The following DAP variants were observed in gnomAD, a reference collection of about 807,000 sequenced individuals.
The protein encoded by DAP is death-associated protein 1.
A neutral mutation model predicts 13.8 loss-of-function variants in DAP; 8 were observed. The ratio of observed to expected loss-of-function variants is 0.58; its 90% CI spans 0.34 to 1.05. The LOEUF (loss-of-function observed/expected upper bound fraction) is 1.05. Ranked by LOEUF, DAP falls within the 50% of genes least tolerant of loss-of-function variation. The pLI is 0.03. For missense variants in DAP, 106 were observed against 133.2 expected, an observed-to-expected ratio of 0.80 and a Z score of 1.01; for synonymous variants, 47 against 47.5, an observed-to-expected ratio of 0.99 and a Z score of 0.04.
intron 2 of DAP, among the ~76,000 whole-genome samples, chr5:10,719,765 C>T (rs970151066): frequency 2.6e-5 from 4 of 152,152 alleles, no homozygotes; most frequent in African/African-American, 9.7e-5. Context: ...GGTCTCCACT[C>T]CTGCCACCCT....
At position 10,691,632 on chromosome 5, in the gene DAP, G is replaced by A. The variant is rs3756403; in HGVS notation, c.153-8061C>T. Among the ~76,000 whole-genome samples the A allele has an allele frequency of 4.5e-4, 69 of 152,330 alleles. No individual in the cohort carries two copies. The East Asian group carries it at 0.011, about 25-fold the overall frequency. ...TCATTCTGACAGATGCTGTTTTGAA[G>A]ATGCAACATTATTTTCTCTCAGGAA... On this transcript the variant is annotated intron_variant, in intron 2 of 3. Transcript: ENST00000230895.
intron 1 of DAP, among the ~76,000 whole-genome samples, chr5:10,755,960 C>T (rs1431297585): frequency 5.3e-5 from 8 of 152,136 alleles, no homozygotes; most frequent in Non-Finnish European, 4.4e-5. Context: ...CCTGACTGGA[C>T]AACATAGTAA....
chr5:10,727,723 A>C (rs182223585), intron 2 of DAP, among the ~76,000 whole-genome samples: 4 of 152,286 alleles, frequency 2.6e-5, no homozygotes, highest in Non-Finnish European at 5.9e-5. Context: ...TGGGAGTATA[A>C]ATTGAGATAT....
intron 2 of DAP, among the ~76,000 whole-genome samples, chr5:10,730,466 A>T (rs1739415586): frequency 6.7e-6 from 1 of 148,726 alleles, no homozygotes; most frequent in Non-Finnish European, 1.5e-5. Context: ...ATTTTTCTCT[A>T]CTGAGAACCC....
chr5:10,739,892 G>A (rs780242080), intron 2 of DAP, among the ~76,000 whole-genome samples: 32 of 152,030 alleles, frequency 2.1e-4, no homozygotes, highest in Non-Finnish European at 3.8e-4. Context: ...AGCTTCTAGT[G>A]TTATTTCTGT....
intron 2 of DAP, among the ~76,000 whole-genome samples, chr5:10,733,182 GTGTGTGTGTGTGTGTGTGTGTGTGTA>G (rs1312486701): frequency 1.4e-4 from 18 of 124,358 alleles, no homozygotes; most frequent in Non-Finnish European, 2.0e-4. Flanking sequence ...GTGTGTGTGT[GTGTGTGTGTGTGTGTGTGTGTGTGTA>G]TACCCTACAT....
chr5:10,695,998 T>G (rs1738429989), intron 2 of DAP, among the ~76,000 whole-genome samples: 1 of 152,098 alleles, frequency 6.6e-6, no homozygotes, highest in African/African-American at 2.4e-5. Flanking sequence ...GAGTCTGGTT[T>G]AAACAGGAGG....
chr5:10,692,327 A>T (rs1443938033), intron 2 of DAP, among the ~76,000 whole-genome samples: 1 of 152,204 alleles, frequency 6.6e-6, no homozygotes, highest in Non-Finnish European at 1.5e-5. Context: ...TGAGAGGTGT[A>T]AAGCGATGCA....
At position 10,761,156 on chromosome 5, in the gene DAP, G is replaced by T; in HGVS notation, c.-88C>A. On this transcript the variant is annotated 5_prime_UTR_variant, in exon 1 of 4. Coordinates refer to ENST00000230895, the MANE Select transcript of DAP (RefSeq NM_004394.3). ...GCGAGTGAGCTCAGGTGTGAGCGCC[G>T]GGGAGCGAGCGGGCGGGAGAACGAC... is the stretch of plus-strand genomic sequence containing the variant. 3 of 775,070 alleles carry T rather than the reference G, an allele frequency of 3.9e-6. No homozygotes were observed. Among genetic ancestry groups the T allele is most frequent in the Non-Finnish European group, 5.1e-6 (3 of 587,842 alleles). 48.0% of individuals were successfully genotyped at this position (775,070 alleles called of 1,614,324 possible).
intron 2 of DAP, among the ~76,000 whole-genome samples, chr5:10,711,552 C>T (rs5745232): frequency 0.085 from 12,884 of 152,272 alleles, 716 homozygotes; most frequent in African/African-American, 0.16. Flanking sequence ...AACTTCTACG[C>T]TCTCTTACTC....
chr5:10,728,275 T>A (rs1488882024), intron 2 of DAP, among the ~76,000 whole-genome samples: 1 of 152,212 alleles, frequency 6.6e-6, no homozygotes, highest in East Asian at 1.9e-4. Context: ...TCACTGGGAA[T>A]TTGATGTGTT....
intron 2 of DAP, among the ~76,000 whole-genome samples, chr5:10,720,887 C>G (rs185067970): frequency 6.2e-4 from 94 of 152,354 alleles, no homozygotes; most frequent in South Asian, 5.0e-3. Flanking sequence ...AATGCTTCTG[C>G]CAAGACTACC....
intron 2 of DAP, among the ~76,000 whole-genome samples, chr5:10,706,622 A>C (rs575931110): frequency 6.6e-6 from 1 of 152,218 alleles, no homozygotes; most frequent in Non-Finnish European, 1.5e-5. Flanking sequence ...TCACTTTACT[A>C]ATCAGTGACG....
chr5:10,695,947 G>A (rs1738428860), intron 2 of DAP, among the ~76,000 whole-genome samples: 1 of 151,760 alleles, frequency 6.6e-6, no homozygotes, highest in South Asian at 2.1e-4. Context: ...AGTAGATGAC[G>A]TGTTCCACAC....
At chr5:10,758,364 CTGAGGGGTGCTGTTGGCATT>C (rs144482767) in intron 1 of DAP, among the ~76,000 whole-genome samples, 75,010 of 135,336 alleles carry the variant, frequency 0.55, 21,951 homozygotes, top group Non-Finnish European at 0.67. Flanking sequence ...CTGTTGGCAT[CTGAGGGGTGCTGTTGGCATT>C]TGAGGGGTGC....
intron 2 of DAP, among the ~76,000 whole-genome samples, chr5:10,689,973 T>C (rs969870663): frequency 3.9e-5 from 6 of 152,176 alleles, no homozygotes; most frequent in African/African-American, 9.7e-5. Flanking sequence ...AAGAACAACA[T>C]GAAGGCCTGA....
intron 2 of DAP, among the ~76,000 whole-genome samples, chr5:10,692,863 T>C (rs144327187): frequency 6.6e-6 from 1 of 152,328 alleles, no homozygotes; most frequent in Non-Finnish European, 1.5e-5. Flanking sequence ...AAGTAATTTG[T>C]ATCTGCTGCC....
intron 2 of DAP, among the ~76,000 whole-genome samples, chr5:10,702,604 T>C (rs1247556435): frequency 2.0e-5 from 3 of 152,264 alleles, no homozygotes; most frequent in East Asian, 1.9e-4. Context: ...AGAATGGTGA[T>C]AGAGCCATGA....
At chr5:10,727,599 C>T (rs1415404781) in intron 2 of DAP, among the ~76,000 whole-genome samples, 1 of 152,136 alleles carries the variant, frequency 6.6e-6, no homozygotes. Flanking sequence ...TTCCCTGGTT[C>T]TGGCTTGGAC....
Sources: gnomAD v4.1 joint callset for allele counts (sites outside exome capture counted in the v4.1 genomes callset) on GRCh38, gnomAD v4.1.1 for gene constraint, MANE v1.5 for transcripts, NCBI Gene and HGNC (gene_info 2026-07-23, HGNC 2026-07-21) for gene names.